Variants in PCDHGA4 observed in about 807,000 individuals in gnomAD.
PCDHGA4 encodes protocadherin gamma subfamily A, 4.
A neutral mutation model predicts 54.6 loss-of-function variants in PCDHGA4; 38 were observed. The ratio of observed to expected loss-of-function variants is 0.70; its 90% CI spans 0.54 to 0.91. PCDHGA4 has a LOEUF of 0.91. Among genes scored for constraint, PCDHGA4 ranks in the 40% least tolerant of loss-of-function variants. The pLI, the probability that PCDHGA4 is intolerant of heterozygous loss-of-function variation, is 0.00. For missense variants in PCDHGA4, 1,298 were observed against 1,220.9 expected, an observed-to-expected ratio of 1.06 and a Z score of -0.94; for synonymous variants, 511 against 512.9, an observed-to-expected ratio of 1.00 and a Z score of 0.05.
At chr5:141,395,138 C>G (rs147992300) in intron 1 of PCDHGA4, 3 of 1,614,204 alleles carry the variant, frequency 1.9e-6, no homozygotes, top group Non-Finnish European at 2.5e-6. Context: ...AGCCCAACTA[C>G]GCAGACATGC....
At chr5:141,365,311 T>C in intron 1 of PCDHGA4, 1 of 1,613,980 alleles carries the variant, frequency 6.2e-7, no homozygotes, top group Non-Finnish European at 8.5e-7. Flanking sequence ...GAGGCGCTCT[T>C]GTTGCCAGCG....
intron 1 of PCDHGA4, chr5:141,366,578 C>T: frequency 6.2e-7 from 1 of 1,614,264 alleles, no homozygotes; most frequent in Non-Finnish European, 8.5e-7. Flanking sequence ...TCGGGCTTTC[C>T]TGCAGACCTA....
At chr5:141,447,400 A>G (rs904985523) in intron 1 of PCDHGA4, among the ~76,000 whole-genome samples, 1 of 152,090 alleles carries the variant, frequency 6.6e-6, no homozygotes, top group Non-Finnish European at 1.5e-5. Flanking sequence ...GGCCTCCCAA[A>G]GTGCTGGGAT....
chr5:141,374,388 G>A (rs779801370), intron 1 of PCDHGA4: 1 of 1,614,044 alleles, frequency 6.2e-7, no homozygotes, highest in South Asian at 1.1e-5. Context: ...AGCCCGCGGT[G>A]TCTGGTGAGT....
intron 1 of PCDHGA4, among the ~76,000 whole-genome samples, chr5:141,373,339 C>A (rs1769496946): frequency 6.6e-6 from 1 of 152,172 alleles, no homozygotes; most frequent in African/African-American, 2.4e-5. Context: ...TCTAAAATGG[C>A]AACTCTTGTA....
chr5:141,418,157 A>G, intron 1 of PCDHGA4: 1 of 1,614,074 alleles, frequency 6.2e-7, no homozygotes, highest in Non-Finnish European at 8.5e-7. Context: ...CAAAGAGAGA[A>G]GAAGATGTGA....
chr5:141,489,229 G>A lies in PCDHGA4; in HGVS notation c.2515-5578G>A, dbSNP rs1188849525. 5.9e-6 allele frequency: 9 copies of A among 1,522,134 alleles called. No homozygotes were observed. In the Admixed American group the frequency reaches 6.4e-5, roughly 11 times the overall value. 94.3% of individuals were successfully genotyped at this position (1,522,134 alleles called of 1,614,324 possible). On this transcript the variant is annotated intron_variant, in intron 1 of 3. Transcript: ENST00000571252. The surrounding 1 kb of genome is among the most constrained non-coding windows in gnomAD (Gnocchi z 4.5). The stretch of plus-strand genomic sequence containing the variant: ...AGCACAGACTTACTCTCCACAAAGG[G>A]ACTTCTGGGTCATGGGGCCCAAGAC...
chr5:141,468,549 C>T (rs1289802190), intron 1 of PCDHGA4: 2 of 151,940 alleles, frequency 1.3e-5, no homozygotes, highest in Non-Finnish European at 2.9e-5. Flanking sequence ...ACATATTTAA[C>T]ATTTGTGATA....
At chr5:141,360,588 A>G in intron 1 of PCDHGA4, 1 of 1,614,006 alleles carries the variant, frequency 6.2e-7, no homozygotes, top group Non-Finnish European at 8.5e-7. Flanking sequence ...CAGGTACAAC[A>G]TTTCCACTTG....
intron 1 of PCDHGA4, chr5:141,395,402 C>T (rs1012676021): frequency 5.9e-6 from 5 of 846,250 alleles, no homozygotes; most frequent in Non-Finnish European, 8.7e-6. Context: ...CTCTAATAGT[C>T]ATAGGTTATT....
chr5:141,373,414 T>C (rs1351552261), intron 1 of PCDHGA4, among the ~76,000 whole-genome samples: 1 of 152,222 alleles, frequency 6.6e-6, no homozygotes, highest in Non-Finnish European at 1.5e-5. Context: ...TCCCAGCTAC[T>C]CGGGAGGCTG....
chr5:141,412,940 T>C, intron 1 of PCDHGA4: 1 of 463,218 alleles, frequency 2.2e-6, no homozygotes, highest in Non-Finnish European at 3.8e-6. Flanking sequence ...CTTAGGACTC[T>C]GAGCGCCGCT....
At position 141,431,108 on chromosome 5, in the gene PCDHGA4, T is replaced by C; in HGVS notation, c.2515-63699T>C. 1 of 1,614,180 alleles carries C rather than the reference T, an allele frequency of 6.2e-7. No homozygotes were observed. The highest frequency in any genetic ancestry group is 8.5e-7 in the Non-Finnish European group (1 of 1,180,032). On this transcript the variant is annotated intron_variant, in intron 1 of 3. Coordinates refer to ENST00000571252, the MANE Select transcript of PCDHGA4 (RefSeq NM_018917.4). This position sits in a 1 kb window ranked among gnomAD's most constrained non-coding sequence, Gnocchi z 4.8. ...TCTGATGGAGGATAAAGTGAAAATATATGGAGTAGAAGTAGAAGTAAGGGA... is the reference window on the plus strand; with the variant it reads ...TCTGATGGAGGATAAAGTGAAAATACATGGAGTAGAAGTAGAAGTAAGGGA...
Position 141,355,726 on chromosome 5 carries a change from G to A in PCDHGA4, c.619G>A (p.Gly207Ser), listed in dbSNP as rs771155381. 6.2e-7 allele frequency: 1 copy of A among 1,613,978 alleles called. No individual in the cohort carries two copies. Among genetic ancestry groups the A allele is most frequent in the East Asian group, 2.2e-5 (1 of 44,886 alleles). Residue 207 changes from glycine to serine, a missense_variant, in exon 1 of 4, where the codon GGT becomes AGT. Coordinates refer to ENST00000571252, the MANE Select transcript of PCDHGA4 (RefSeq NM_018917.4). ...SLQGYQLNSN[G>S]YFSLDVQSGA... is the part of the protein sequence containing the mutation. ...GCAGGGTTACCAGCTCAACTCAAAC[G>A]GTTACTTTTCCCTGGACGTGCAAAG...
chr5:141,504,763 C>G (rs1057360921), intron 2 of PCDHGA4, among the ~76,000 whole-genome samples: 5 of 152,018 alleles, frequency 3.3e-5, no homozygotes, highest in African/African-American at 1.2e-4. Context: ...AATTTCTTCT[C>G]CCTGCTCCAG....
Position 141,356,824 on chromosome 5 carries a change from C to T in PCDHGA4, c.1717C>T (p.Leu573Phe). The change falls in exon 1 of 4, where the codon CTC becomes TTC. Residue 573 changes from leucine (L) to phenylalanine (F), a missense_variant. By Grantham distance (22) the Leu-to-Phe change is conservative (BLOSUM62 0). Transcript: ENST00000571252. ...AGCCAGTGACAGTGGAGACCCTCCA[C>T]TCAGCAGCAATGTGTCACTGAGCCT... ...MTASDSGDPP[L>F]SSNVSLSLFV... The T allele has an allele frequency of 6.2e-7, 1 of 1,614,146 alleles. No homozygotes were observed. The highest frequency in any genetic ancestry group is 8.5e-7 in the Non-Finnish European group (1 of 1,179,982).
chr5:141,466,118 G>A lies in PCDHGA4; in HGVS notation c.2515-28689G>A, dbSNP rs1299389265. ...GCCTGGGCAACAGAGTGAGACTCCA[G>A]CTCAAAAAAAAAATCAAGTGAAAAC... On this transcript the variant is annotated intron_variant, in intron 1 of 3. Coordinates refer to ENST00000571252, the MANE Select transcript of PCDHGA4 (RefSeq NM_018917.4). Among the ~76,000 whole-genome samples the A allele has an allele frequency of 2.0e-5, 3 of 151,096 alleles. No individual in the cohort carries two copies. The East Asian group carries it at 5.8e-4, about 29-fold the overall frequency.
rs758673205 is a variant in PCDHGA4, at chr5:141,376,309, CGT to C, written c.2514+18690_2514+18691del. The C allele has an allele frequency of 7.2e-5, 117 of 1,614,148 alleles. No homozygotes were observed. The South Asian group carries it at 1.3e-3, about 17-fold the overall frequency. ...GCATGCCCGGCTCGCACTTTGTGGG[CGT>C]GGAAGGGGTTCGGGCTTTCCTGCAG... On this transcript the variant is annotated intron_variant, in intron 1 of 3. Coordinates refer to ENST00000571252, the MANE Select transcript of PCDHGA4 (RefSeq NM_018917.4).
chr5:141,437,956 T>A (rs998689841), intron 1 of PCDHGA4, among the ~76,000 whole-genome samples: 6 of 152,178 alleles, frequency 3.9e-5, no homozygotes, highest in African/African-American at 1.4e-4. Context: ...CAGAATGGTC[T>A]TGATCTCTTG....
Sources: allele counts gnomAD v4.1 joint callset (sites outside exome capture counted in the v4.1 genomes callset), GRCh38; gene constraint gnomAD v4.1.1; non-coding constraint Gnocchi (gnomAD v3.1); transcripts MANE v1.5; gene names NCBI Gene and HGNC (gene_info 2026-07-23, HGNC 2026-07-21).